The following SUGCT variants were observed in gnomAD, a reference collection of about 807,000 sequenced individuals.
The protein encoded by SUGCT is succinyl-CoA:glutarate CoA-transferase.
In SUGCT, 41 loss-of-function variants were observed where a neutral mutation model predicts 55.0. The observed-to-expected ratio is 0.74, with a 90% CI of 0.58 to 0.97. The LOEUF is 0.97. Ranked by LOEUF, SUGCT falls within the 50% of genes least tolerant of loss-of-function variation. SUGCT has a pLI of 0.00. For synonymous variants in SUGCT, 187 were observed against 200.4 expected, an observed-to-expected ratio of 0.93 and a Z score of 0.56; for missense variants, 568 against 547.8, an observed-to-expected ratio of 1.04 and a Z score of -0.37.
intron 12 of SUGCT, among the ~76,000 whole-genome samples, chr7:40,606,132 G>A (rs1279027053): frequency 6.6e-6 from 1 of 152,196 alleles, no homozygotes; most frequent in Non-Finnish European, 1.5e-5. Flanking sequence ...GCAACAGGAA[G>A]CTGTCTACCT....
intron 1 of SUGCT, among the ~76,000 whole-genome samples, chr7:40,136,258 G>A (rs1787690330): frequency 1.3e-5 from 2 of 152,062 alleles, no homozygotes; most frequent in Non-Finnish European, 2.9e-5. Flanking sequence ...TCTGCCTCCC[G>A]AAGTGCTGGG....
At chr7:40,444,744 G>A (rs1344245465) in intron 9 of SUGCT, among the ~76,000 whole-genome samples, 4 of 152,096 alleles carry the variant, frequency 2.6e-5, no homozygotes, top group Non-Finnish European at 5.9e-5. Context: ...GCCCTGGCCA[G>A]AACTTCCAAC....
chr7:40,992,060 AAGAATGGCTACTCCATAGGC>A, the SUGCT span, among the ~76,000 whole-genome samples: 1 of 152,064 alleles, frequency 6.6e-6, no homozygotes, highest in Non-Finnish European at 1.5e-5. Context: ...TAAAGGAATA[AAGAATGGCTACTCCATAGGC>A]AGAGCAGCCC....
chr7:40,177,640 C>G (rs1354976637), intron 1 of SUGCT, among the ~76,000 whole-genome samples: 1 of 152,182 alleles, frequency 6.6e-6, no homozygotes, highest in African/African-American at 2.4e-5. Context: ...CTCCATTTAT[C>G]CCATACCGCA....
At chr7:40,471,345 A>G (rs951880967) in intron 11 of SUGCT, among the ~76,000 whole-genome samples, 1 of 151,538 alleles carries the variant, frequency 6.6e-6, no homozygotes, top group Non-Finnish European at 1.5e-5. Context: ...TAAATATAAA[A>G]TTAAAATAAT....
the SUGCT span, among the ~76,000 whole-genome samples, chr7:40,967,576 A>ATGTC: frequency 6.6e-6 from 1 of 152,152 alleles, no homozygotes; most frequent in Non-Finnish European, 1.5e-5. Flanking sequence ...ATAGCATTGA[A>ATGTC]TGTCCTCTTC....
chr7:40,300,568 G>T (rs1794471036), intron 8 of SUGCT, among the ~76,000 whole-genome samples: 1 of 152,190 alleles, frequency 6.6e-6, no homozygotes, highest in Admixed American at 6.5e-5. Flanking sequence ...GGGTATGTTA[G>T]AATGCAGATC....
chr7:40,738,662 C>T (rs1347863047), intron 12 of SUGCT, among the ~76,000 whole-genome samples: 1 of 152,072 alleles, frequency 6.6e-6, no homozygotes, highest in African/African-American at 2.4e-5. Context: ...TAAAATTGTA[C>T]AAGTAACAAA....
chr7:41,038,434 T>C, the SUGCT span, among the ~76,000 whole-genome samples: 4 of 152,246 alleles, frequency 2.6e-5, no homozygotes, highest in African/African-American at 7.2e-5. Context: ...ATTCAGGGAA[T>C]GTTCCGCAGG....
chr7:40,190,537 C>T (rs1177832885), intron 5 of SUGCT, among the ~76,000 whole-genome samples: 1 of 152,164 alleles, frequency 6.6e-6, no homozygotes, highest in African/African-American at 2.4e-5. Context: ...GTGTGAGCCA[C>T]CGCGCCCAGC....
intron 7 of SUGCT, among the ~76,000 whole-genome samples, chr7:40,252,138 AT>A (rs1459819014): frequency 6.6e-6 from 1 of 152,130 alleles, no homozygotes; most frequent in Non-Finnish European, 1.5e-5. Context: ...AGATAAAAAA[AT>A]CTTAAGATTT....
chr7:40,386,572 G>A (rs1202215807), intron 9 of SUGCT, among the ~76,000 whole-genome samples: 34 of 152,178 alleles, frequency 2.2e-4, no homozygotes, highest in Non-Finnish European at 1.0e-4. Context: ...TGTTCTATAC[G>A]TTGCAGGATG....
the SUGCT span, among the ~76,000 whole-genome samples, chr7:40,919,693 C>G: frequency 3.9e-5 from 6 of 152,098 alleles, no homozygotes; most frequent in African/African-American, 1.4e-4. Flanking sequence ...TCTCCTTGTT[C>G]TAGTTTCCTC....
intron 7 of SUGCT, among the ~76,000 whole-genome samples, chr7:40,242,319 A>G (rs1471702307): frequency 2.6e-5 from 4 of 151,890 alleles, no homozygotes; most frequent in Admixed American, 2.0e-4. Context: ...GATTATAGGC[A>G]TGTGCCACCA....
chr7:40,249,317 A>ATATCTATATATATATATATC (rs1562611996), intron 7 of SUGCT, among the ~76,000 whole-genome samples: 2 of 21,528 alleles, frequency 9.3e-5, no homozygotes, highest in Non-Finnish European at 2.9e-4. Context: ...AAAAAGCTAT[A>ATATCTATATATATATATATC]TATATATATA....
chr7:40,516,644 A>G (rs549641052), intron 12 of SUGCT, among the ~76,000 whole-genome samples: 9 of 152,200 alleles, frequency 5.9e-5, no homozygotes, highest in Middle Eastern at 3.4e-3. Flanking sequence ...TTGAAAACCA[A>G]TTCACTATAA....
intron 9 of SUGCT, among the ~76,000 whole-genome samples, chr7:40,430,534 G>A (rs371780596): frequency 2.0e-5 from 3 of 152,060 alleles, no homozygotes; most frequent in Admixed American, 6.6e-5. Flanking sequence ...ATTGAGTTGC[G>A]TGAACTCTTT....
intron 7 of SUGCT, among the ~76,000 whole-genome samples, chr7:40,248,921 C>T (rs1584458054): frequency 1.4e-5 from 2 of 145,578 alleles, no homozygotes; most frequent in East Asian, 2.3e-4. Context: ...CACACACACA[C>T]ACACTCCCTC....
the SUGCT span, chr7:40,967,039 A>G: frequency 2.6e-5 from 4 of 152,210 alleles, no homozygotes; most frequent in Non-Finnish European, 4.4e-5. Context: ...GCTTACCATC[A>G]TGGAACCCTG....
Sources: allele counts gnomAD v4.1 joint callset (sites outside exome capture counted in the v4.1 genomes callset), GRCh38; gene constraint gnomAD v4.1.1; transcripts MANE v1.5; gene names NCBI Gene and HGNC (gene_info 2026-07-23, HGNC 2026-07-21).